Variants in MAP4 observed in about 807,000 individuals in gnomAD.
MAP4 encodes the protein microtubule-associated protein 4.
In MAP4, 76 loss-of-function variants were observed where a neutral mutation model predicts 170.2. The observed-to-expected ratio is 0.45, with a 90% CI of 0.37 to 0.54. The LOEUF is 0.54. Among genes scored for constraint, MAP4 ranks in the 20% least tolerant of loss-of-function variants. The pLI is 0.00. For missense variants in MAP4, 2,506 were observed against 2,748.0 expected, an observed-to-expected ratio of 0.91 and a Z score of 1.97; for synonymous variants, 909 against 994.5, an observed-to-expected ratio of 0.91 and a Z score of 1.62.
rs1418811781 is a variant in MAP4 at position 47,916,779 on chromosome 3, G to A, written c.1048C>T (p.Leu350=). The change falls in exon 7 of 21, where the codon CTG becomes TTG. Residue 350 remains leucine (L), a synonymous_variant. Coordinates refer to ENST00000683076, the MANE Select transcript of MAP4 (RefSeq NM_001385682.1). ...TEVAPAKDVT[L]LKETERASPI... Reference sequence around the variant, plus strand: ...GATGCCCTCTCTGTTTCTTTCAACAGTGTCACATCCTTGGCTGGGGCTACC... The same window carrying A: ...GATGCCCTCTCTGTTTCTTTCAACAATGTCACATCCTTGGCTGGGGCTACC... 35 of 1,614,150 alleles carry A rather than the reference G, an allele frequency of 2.2e-5. No individual in the cohort carries two copies. The highest frequency in any genetic ancestry group is 2.8e-5 in the Non-Finnish European group (33 of 1,180,026).
chr3:48,032,110 AAAC>A lies in MAP4; in HGVS notation c.-19-33234_-19-33232del, dbSNP rs1298813349. Among the ~76,000 whole-genome samples the A allele has an allele frequency of 3.3e-5, 5 of 152,292 alleles. No homozygotes were observed. The East Asian group carries it at 9.6e-4, about 29-fold the overall frequency. On this transcript the variant is annotated intron_variant, in intron 1 of 18. Coordinates refer to the MAP4 transcript ENST00000360240. The stretch of plus-strand genomic sequence containing the variant: ...TCCTCAAAACTGTCAAAGTCATCAA[AAAC>A]AAGGGAGGTGTAAGAAACTGTCATA...
chr3:47,979,750 T>G (rs898640413), intron 2 of MAP4, among the ~76,000 whole-genome samples: 1 of 152,186 alleles, frequency 6.6e-6, no homozygotes, highest in African/African-American at 2.4e-5. Context: ...CATGAGCCAC[T>G]GTGCCCAGCC....
rs187859060 is a variant in MAP4, at chr3:48,054,110, T to C, written c.-20+34663A>G. 4.0e-3 allele frequency among the ~76,000 whole-genome samples: 612 copies of C among 152,000 alleles called. 6 individuals are homozygous for C. Among genetic ancestry groups the C allele is most frequent in the African/African-American group, 0.014 (593 of 41,440 alleles). On this transcript the variant is annotated intron_variant, in intron 1 of 18. Transcript: ENST00000360240. ...TGAGGTTAAGAGACCAAGACCATCC[T>C]GGCCAACATGGTGAAACCCCATCTC...
At chr3:47,991,440 G>A (rs2100092138) in intron 2 of MAP4, among the ~76,000 whole-genome samples, 1 of 152,146 alleles carries the variant, frequency 6.6e-6, no homozygotes, top group Admixed American at 6.5e-5. Context: ...GGAGGCTAAG[G>A]CAGGAGGATC....
chr3:47,913,212 A>G (rs1553614255), intron 8 of MAP4, among the ~76,000 whole-genome samples: 1 of 152,170 alleles, frequency 6.6e-6, no homozygotes, highest in Non-Finnish European at 1.5e-5. Flanking sequence ...CCCAGTTAAT[A>G]TAATATGGAT....
intron 1 of MAP4, among the ~76,000 whole-genome samples, chr3:48,058,968 T>C (rs962557603): frequency 2.0e-5 from 3 of 151,896 alleles, no homozygotes; most frequent in South Asian, 2.1e-4. Flanking sequence ...TTAGTAGAGA[T>C]GGGTTTCATC....
chr3:47,946,199 T>C (rs1395859668), intron 3 of MAP4, among the ~76,000 whole-genome samples: 1 of 150,562 alleles, frequency 6.6e-6, no homozygotes, highest in Non-Finnish European at 1.5e-5. Context: ...CACCTCTGCC[T>C]CCCAAAGTGC....
chr3:47,999,842 G>A (rs891218058), intron 1 of MAP4, among the ~76,000 whole-genome samples: 4 of 8,624 alleles, frequency 4.6e-4, no homozygotes, highest in Non-Finnish European at 1.0e-3. Context: ...CTAAAATAAA[G>A]TTTAAAAAAA....
intron 3 of MAP4, among the ~76,000 whole-genome samples, chr3:47,947,087 G>A (rs2100060519): frequency 6.6e-6 from 1 of 152,144 alleles, no homozygotes; most frequent in African/African-American, 2.4e-5. Flanking sequence ...ACTTTCCCAA[G>A]TACAGCAAAT....
intron 1 of MAP4, among the ~76,000 whole-genome samples, chr3:48,035,041 C>T (rs2100118074): frequency 6.6e-6 from 1 of 151,864 alleles, no homozygotes; most frequent in Admixed American, 6.6e-5. Context: ...TACAGTTTTC[C>T]CCCTTTCTTT....
At chr3:47,882,189 G>T (rs1197915726) in intron 10 of MAP4, among the ~76,000 whole-genome samples, 1 of 152,168 alleles carries the variant, frequency 6.6e-6, no homozygotes, top group African/African-American at 2.4e-5. Flanking sequence ...TGAGGCAGGA[G>T]AATCGCTTGA....
At chr3:47,948,987 A>C (rs1483244730) in intron 3 of MAP4, among the ~76,000 whole-genome samples, 1 of 152,166 alleles carries the variant, frequency 6.6e-6, no homozygotes, top group Non-Finnish European at 1.5e-5. Flanking sequence ...TTCTACATTA[A>C]TCCATTTCAG....
At chr3:47,885,949 C>CG (rs2097529540) in intron 10 of MAP4, among the ~76,000 whole-genome samples, 1 of 152,098 alleles carries the variant, frequency 6.6e-6, no homozygotes. Context: ...AGGATGGTCT[C>CG]GATCTCCTGA....
At chr3:47,996,080 A>G (rs1411534913) in intron 2 of MAP4, among the ~76,000 whole-genome samples, 4 of 152,206 alleles carry the variant, frequency 2.6e-5, no homozygotes, top group African/African-American at 7.2e-5. Flanking sequence ...GCCTCCCTCC[A>G]TGGTACAGAC....
intron 10 of MAP4, among the ~76,000 whole-genome samples, chr3:47,890,296 CTGTT>C (rs1329557757): frequency 6.6e-6 from 1 of 152,092 alleles, no homozygotes; most frequent in Non-Finnish European, 1.5e-5. Flanking sequence ...CAAAATTTAG[CTGTT>C]TATTAGGTTG....
intron 3 of MAP4, among the ~76,000 whole-genome samples, chr3:47,953,582 GC>G (rs1456681641): frequency 1.3e-5 from 2 of 152,150 alleles, no homozygotes; most frequent in African/African-American, 4.8e-5. Context: ...AGGTGGAGAT[GC>G]CAAAGTTTCC....
At chr3:47,974,056 C>G in intron 3 of MAP4, 1 of 985,306 alleles carries the variant, frequency 1.0e-6, no homozygotes, top group East Asian at 1.1e-4. Context: ...GAAGTCGCTG[C>G]AAGGATTCAG....
chr3:47,990,317 G>A (rs1479666328), intron 2 of MAP4, among the ~76,000 whole-genome samples: 1 of 152,090 alleles, frequency 6.6e-6, no homozygotes, highest in Non-Finnish European at 1.5e-5. Context: ...ACAGACTGCT[G>A]GTGTGTGGCA....
At chr3:47,960,646 G>A in intron 3 of MAP4, 1 of 174,028 alleles carries the variant, frequency 5.7e-6, no homozygotes. Context: ...AGGATAGCTG[G>A]CAAGTTGGTG....
Sources: allele counts gnomAD v4.1 joint callset (sites outside exome capture counted in the v4.1 genomes callset), GRCh38; gene constraint gnomAD v4.1.1; transcripts MANE v1.5; gene names NCBI Gene and HGNC (gene_info 2026-07-23, HGNC 2026-07-21).